Variants in DRAXIN observed in about 807,000 individuals in gnomAD.
DRAXIN encodes dorsal repulsive axon guidance protein.
A neutral mutation model predicts 33.9 loss-of-function variants in DRAXIN; 27 were observed. That is an observed-to-expected ratio of 0.80 (90% CI 0.59 to 1.10). DRAXIN has a LOEUF of 1.10. Ranked by LOEUF, DRAXIN falls within the 50% of genes least tolerant of loss-of-function variation. The probability of loss-of-function intolerance (pLI) is 0.00; values close to 1 mark genes in which losing one functional copy is unlikely to be tolerated. For missense variants in DRAXIN, 371 were observed against 460.8 expected (o/e 0.81, Z 1.78); for synonymous variants, 178 against 194.0 (o/e 0.92, Z 0.69).
chr1:11,714,254 G>A (rs1047123084), intron 5 of DRAXIN, among the ~76,000 whole-genome samples: 2 of 152,146 alleles, frequency 1.3e-5, no homozygotes, highest in African/African-American at 2.4e-5. Flanking sequence ...GTGGGCTAGG[G>A]GTGGGAAACA....
Position 11,706,512 on chromosome 1 carries a change from G to A in DRAXIN, c.254G>A (p.Arg85Lys), listed in dbSNP as rs1361324507. ...AQDGAVVTAT[R>K]QASRLPEAEG... The stretch of plus-strand genomic sequence containing the variant: ...GATGGGGCTGTGGTCACCGCCACCA[G>A]GCAGGCCTCCAGGCTGCCAGAGGCT... Residue 85 changes from arginine to lysine, a missense_variant, in exon 2 of 7, where the codon AGG (arginine) becomes AAG (lysine). Coordinates refer to ENST00000294485, the MANE Select transcript of DRAXIN (RefSeq NM_198545.4). This position sits in a 1 kb window ranked among gnomAD's most constrained non-coding sequence, Gnocchi z 5.5. The A allele has an allele frequency of 2.1e-5, 34 of 1,611,734 alleles. No individual in the cohort carries two copies. The highest frequency in any genetic ancestry group is 2.9e-5 in the Non-Finnish European group (34 of 1,179,348).
intron 2 of DRAXIN, among the ~76,000 whole-genome samples, chr1:11,707,914 C>G (rs184879915): frequency 2.2e-4 from 34 of 152,364 alleles, no homozygotes; most frequent in Admixed American, 4.6e-4. Context: ...ACCCGACTGC[C>G]TCTAGGGACA....
chr1:11,719,678 A>G lies in DRAXIN; in HGVS notation c.1032A>G (p.Gly344=), dbSNP rs1024625863. 1.9e-5 allele frequency: 30 copies of G among 1,613,886 alleles called. No individual in the cohort carries two copies. In the Admixed American group the frequency reaches 3.0e-4, roughly 16 times the overall value. The change falls in exon 7 of 7, where the codon GGA becomes GGG. Residue 344 remains glycine (G), a synonymous_variant. Transcript: ENST00000294485. ...CCGAGACGGCCAACGGCGACCAGGG[A>G]TCCTTCATCAACGTCTAGCGGCCCC... ...VEPETANGDQ[G]SFINV
At chr1:11,700,900 G>A (rs925229020) in intron 1 of DRAXIN, among the ~76,000 whole-genome samples, 1 of 152,212 alleles carries the variant, frequency 6.6e-6, no homozygotes, top group Admixed American at 6.5e-5. Flanking sequence ...CGAGAAGCCT[G>A]GTGGCCGAGC....
upstream of DRAXIN, among the ~76,000 whole-genome samples, chr1:11,689,166 G>T (rs1445957865): frequency 6.6e-6 from 1 of 152,118 alleles, no homozygotes; most frequent in Admixed American, 6.5e-5. Flanking sequence ...GCATGGCGGT[G>T]TGTGCCTGTA....
In DRAXIN at chr1:11,709,252, G is replaced by A. The variant is rs185328599; in HGVS notation, c.452-23G>A. On this transcript the variant is annotated intron_variant, in intron 2 of 6. Coordinates refer to ENST00000294485, the MANE Select transcript of DRAXIN (RefSeq NM_198545.4). ...GAGGTGGCAAGCAGATATAGCCCCC[G>A]TGCTCCCCACCCTGTGTCTCAGGCC... is the stretch of plus-strand genomic sequence containing the variant. 144 of 1,590,900 alleles carry A rather than the reference G, an allele frequency of 9.1e-5. 1 individual carries two copies. The East Asian group carries it at 2.3e-3, about 25-fold the overall frequency.
upstream of DRAXIN, among the ~76,000 whole-genome samples, chr1:11,688,833 G>T (rs886340444): frequency 2.6e-5 from 4 of 152,146 alleles, no homozygotes; most frequent in Admixed American, 6.5e-5. The surrounding 1 kb of genome is among the most constrained non-coding windows in gnomAD (Gnocchi z 4.6). Context: ...AGGTCATAAA[G>T]ACCTTGCTGA....
At chr1:11,700,412 A>C (rs941988353) in intron 1 of DRAXIN, among the ~76,000 whole-genome samples, 1 of 152,228 alleles carries the variant, frequency 6.6e-6, no homozygotes, top group Admixed American at 6.5e-5. Context: ...TGCAAATGGC[A>C]GCGAGTCTTT....
rs964927400 is a variant in DRAXIN at position 11,706,951 on chromosome 1, C to T, written c.451+242C>T. ...TATCGCGGCCCGGTGCCGTGGCTCA[C>T]GCTTGTAATCCCAGCACTTTGGGAG... On this transcript the variant is annotated intron_variant, in intron 2 of 6. Coordinates refer to ENST00000294485, the MANE Select transcript of DRAXIN (RefSeq NM_198545.4). The surrounding 1 kb of genome is among the most constrained non-coding windows in gnomAD (Gnocchi z 5.5). Among the ~76,000 whole-genome samples the T allele has an allele frequency of 5.9e-5, 9 of 152,270 alleles. No individual in the cohort carries two copies. Among genetic ancestry groups the T allele is most frequent in the Admixed American group, 5.9e-4 (9 of 15,294 alleles).
rs562128146 is a variant in DRAXIN at position 11,724,438 on chromosome 1, T to C, written c.*4742T>C. 12 of 152,264 alleles carry C rather than the reference T, an allele frequency of 7.9e-5. No individual in the cohort carries two copies. The highest frequency in any genetic ancestry group is 1.5e-4 in the Non-Finnish European group (10 of 68,076). The allele number at this position is 152,264 out of a possible 1,614,324, so 9.4% of individuals were successfully genotyped here. On this transcript the variant is annotated 3_prime_UTR_variant, in exon 7 of 7. Coordinates refer to ENST00000294485, the MANE Select transcript of DRAXIN (RefSeq NM_198545.4). ...CTGGAGACACCAAGAGTGGTTTCCATGCCTGCTGGGAATAGGCTGAGCATG... is the reference window on the plus strand; with the variant it reads ...CTGGAGACACCAAGAGTGGTTTCCACGCCTGCTGGGAATAGGCTGAGCATG...
intron 6 of DRAXIN, among the ~76,000 whole-genome samples, chr1:11,717,570 G>A (rs545120988): frequency 3.3e-5 from 5 of 151,076 alleles, no homozygotes; most frequent in Non-Finnish European, 5.9e-5. Flanking sequence ...GCTGAGGCAG[G>A]AGAATCTCTT....
intron 3 of DRAXIN, 104 bp from the exon 4 acceptor site, chr1:11,711,747 G>A: frequency 9.7e-7 from 1 of 1,026,054 alleles, no homozygotes; most frequent in Non-Finnish European, 1.5e-6. Context: ...AGAGGATAAG[G>A]TGGCCTCTGA....
rs547275367 is a variant in DRAXIN at position 11,705,002 on chromosome 1, C to G, written c.-10-1247C>G. Reference sequence around the variant, plus strand: ...CAGTTTCCCTGCCCTACCACCCTCCCTCGGGGTCGGGGCTAAGGTGACACT... The same window carrying G: ...CAGTTTCCCTGCCCTACCACCCTCCGTCGGGGTCGGGGCTAAGGTGACACT... On this transcript the variant is annotated intron_variant, in intron 1 of 6. Transcript: ENST00000294485. This position sits in a 1 kb window ranked among gnomAD's most constrained non-coding sequence, Gnocchi z 4.8. 6.6e-6 allele frequency among the ~76,000 whole-genome samples: 1 copy of G among 152,316 alleles called. No homozygotes were observed. The highest frequency in any genetic ancestry group is 2.1e-4 in the South Asian group (1 of 4,834).
In DRAXIN at chr1:11,694,110, A is replaced by G. The variant is rs892103151; in HGVS notation, c.-11+2257A>G. 3.0e-4 allele frequency among the ~76,000 whole-genome samples: 46 copies of G among 151,798 alleles called. No homozygotes were observed. Among genetic ancestry groups the G allele is most frequent in the Middle Eastern group, 3.4e-3 (1 of 292 alleles). ...CACCCCGGCACTCCCTTGCCTCCCTAGCTCTTGTGAACTGCACGGCATAAT... is the reference window on the plus strand; with the variant it reads ...CACCCCGGCACTCCCTTGCCTCCCTGGCTCTTGTGAACTGCACGGCATAAT... On this transcript the variant is annotated intron_variant, in intron 1 of 6. Transcript: ENST00000294485. This position sits in a 1 kb window ranked among gnomAD's most constrained non-coding sequence, Gnocchi z 4.9.
chr1:11,720,306 C>T lies in DRAXIN; in HGVS notation c.*610C>T, dbSNP rs1453940116. On this transcript the variant is annotated 3_prime_UTR_variant, in exon 7 of 7. Transcript: ENST00000294485. The stretch of plus-strand genomic sequence containing the variant: ...ACCTGGAGGTCCAGTTAAAAATGTA[C>T]ATCTGGCCGGGCGCGGCGGCTCACG... 6.6e-6 allele frequency: 1 copy of T among 152,514 alleles called. No individual in the cohort carries two copies. The highest frequency in any genetic ancestry group is 1.9e-4 in the East Asian group (1 of 5,178). The allele number at this position is 152,514 out of a possible 1,614,324, so 9.4% of individuals were successfully genotyped here.
rs1484036018 is a variant in DRAXIN, at chr1:11,692,501, C to G, written c.-11+648C>G. 6.6e-6 allele frequency among the ~76,000 whole-genome samples: 1 copy of G among 152,214 alleles called. No individual in the cohort carries two copies. The highest frequency in any genetic ancestry group is 1.5e-5 in the Non-Finnish European group (1 of 68,046). On this transcript the variant is annotated intron_variant, in intron 1 of 6. Transcript: ENST00000294485. This position sits in a 1 kb window ranked among gnomAD's most constrained non-coding sequence, Gnocchi z 5.8. ...TCCCCCGACGGCGCTGGTCTTTCGC[C>G]TGTGGTCTCCCGCTCTGTCCCTCCT...
At chr1:11,703,070 C>T (rs1009168382) in intron 1 of DRAXIN, among the ~76,000 whole-genome samples, 1 of 152,216 alleles carries the variant, frequency 6.6e-6, no homozygotes, top group Non-Finnish European at 1.5e-5. Context: ...TGTGCTCAAT[C>T]CACTTCTGTT....
rs1641713631 is a variant in DRAXIN at position 11,724,596 on chromosome 1, C to T, written c.*4900C>T. 6.6e-6 allele frequency: 1 copy of T among 152,286 alleles called. No individual in the cohort carries two copies. The highest frequency in any genetic ancestry group is 1.5e-5 in the Non-Finnish European group (1 of 68,084). 9.4% of individuals were successfully genotyped at this position (152,286 alleles called of 1,614,324 possible). A position where few individuals can be genotyped will look rare whatever the true frequency, so the allele number is the denominator to read the frequency against. On this transcript the variant is annotated 3_prime_UTR_variant, in exon 7 of 7. Coordinates refer to ENST00000294485, the MANE Select transcript of DRAXIN (RefSeq NM_198545.4). Reference sequence around the variant, plus strand: ...AGCTGCTGGAGGTGGGTCCTTATTTCAAGCCATATTCAACCCACCCAACAA... The same window carrying T: ...AGCTGCTGGAGGTGGGTCCTTATTTTAAGCCATATTCAACCCACCCAACAA...
intron 1 of DRAXIN, among the ~76,000 whole-genome samples, chr1:11,699,258 C>T (rs189690845): frequency 1.3e-5 from 2 of 152,210 alleles, no homozygotes; most frequent in Admixed American, 1.3e-4. Context: ...AAATGAAATT[C>T]GATCCGTAAT....
Sources: allele counts gnomAD v4.1 joint callset (sites outside exome capture counted in the v4.1 genomes callset), GRCh38; gene constraint gnomAD v4.1.1; non-coding constraint Gnocchi (gnomAD v3.1); transcripts MANE v1.5; gene names NCBI Gene and HGNC (gene_info 2026-07-23, HGNC 2026-07-21).